Variants in RAB38 observed in about 807,000 individuals in gnomAD.
RAB38 encodes ras-related protein Rab-38.
RAB38 carries 15 observed loss-of-function variants against 18.4 expected under a neutral mutation model. That is an observed-to-expected ratio of 0.82 (90% CI 0.55 to 1.26). The LOEUF (loss-of-function observed/expected upper bound fraction) is 1.26. Ranked by LOEUF, RAB38 falls within the 50% of genes most tolerant of loss-of-function variation. The pLI is 0.00. For missense variants in RAB38, 294 were observed against 267.4 expected, an observed-to-expected ratio of 1.10 and a Z score of -0.69; for synonymous variants, 101 against 104.4, an observed-to-expected ratio of 0.97 and a Z score of 0.20.
At chr11:88,147,458 T>G (rs1943003250) in intron 2 of RAB38, among the ~76,000 whole-genome samples, 1 of 150,772 alleles carries the variant, frequency 6.6e-6, no homozygotes, top group Non-Finnish European at 1.5e-5. Flanking sequence ...GAGCTGAGAG[T>G]GACATTTTTT....
At chr11:87,910,654 T>G in the RAB38 span, among the ~76,000 whole-genome samples, 1 of 144,546 alleles carries the variant, frequency 6.9e-6, no homozygotes, top group African/African-American at 2.6e-5. Context: ...TTTTTTTTTT[T>G]TTTTTGAGAT....
chr11:87,838,499 G>C, the RAB38 span, among the ~76,000 whole-genome samples: 1 of 152,188 alleles, frequency 6.6e-6, no homozygotes, highest in Non-Finnish European at 1.5e-5. Context: ...AATGAGTTCA[G>C]TCTTTCTCCA....
chr11:87,872,672 T>C, the RAB38 span, among the ~76,000 whole-genome samples: 1 of 151,612 alleles, frequency 6.6e-6, no homozygotes, highest in Non-Finnish European at 1.5e-5. Flanking sequence ...TAGGATATCA[T>C]ATGGTTGGAA....
At chr11:87,899,586 C>G in the RAB38 span, among the ~76,000 whole-genome samples, 2 of 151,468 alleles carry the variant, frequency 1.3e-5, no homozygotes, top group African/African-American at 2.4e-5. Context: ...AGTTTCTAGA[C>G]AAAAAGAATC....
chr11:87,858,919 C>A, the RAB38 span, among the ~76,000 whole-genome samples: 10 of 149,528 alleles, frequency 6.7e-5, no homozygotes, highest in South Asian at 1.9e-3. Flanking sequence ...TTGTGTCCAC[C>A]TGAGTCCAAA....
chr11:88,046,331 T>C, the RAB38 span, among the ~76,000 whole-genome samples: 6 of 152,210 alleles, frequency 3.9e-5, no homozygotes. Flanking sequence ...ATCTGCCCCT[T>C]ATCAACCAAA....
chr11:88,108,681 CATT>C (rs201951892), downstream of RAB38, among the ~76,000 whole-genome samples: 6,426 of 152,264 alleles, frequency 0.042, 160 homozygotes, highest in South Asian at 0.067. Flanking sequence ...TTGATCCTGT[CATT>C]ATGATGCTAG....
At chr11:87,848,287 T>C in the RAB38 span, among the ~76,000 whole-genome samples, 1 of 151,652 alleles carries the variant, frequency 6.6e-6, no homozygotes, top group African/African-American at 2.4e-5. Context: ...TCTTAGTAAC[T>C]CACAGCTTTG....
At chr11:87,944,084 G>A in the RAB38 span, among the ~76,000 whole-genome samples, 1 of 152,070 alleles carries the variant, frequency 6.6e-6, no homozygotes, top group Admixed American at 6.6e-5. Context: ...GTGTCCCAGT[G>A]CATATGCAAG....
chr11:88,120,088 A>G (rs1284641394), intron 2 of RAB38, among the ~76,000 whole-genome samples: 1 of 152,146 alleles, frequency 6.6e-6, no homozygotes, highest in African/African-American at 2.4e-5. Flanking sequence ...TTTCCTTTGG[A>G]TACCTGCTTT....
chr11:88,049,629 C>T, the RAB38 span, among the ~76,000 whole-genome samples: 13 of 151,992 alleles, frequency 8.6e-5, no homozygotes, highest in Non-Finnish European at 1.5e-4. Context: ...CATGGACGCG[C>T]GTGAAATTTG....
At chr11:88,054,821 T>C in the RAB38 span, among the ~76,000 whole-genome samples, 1 of 152,202 alleles carries the variant, frequency 6.6e-6, no homozygotes. Context: ...CAGAACCCAG[T>C]AATTGCACAG....
the RAB38 span, among the ~76,000 whole-genome samples, chr11:88,080,793 C>T: frequency 2.3e-5 from 3 of 128,946 alleles, no homozygotes; most frequent in Admixed American, 2.5e-4. Flanking sequence ...ATCATTTTTC[C>T]ATCAAGGCAG....
the RAB38 span, among the ~76,000 whole-genome samples, chr11:88,007,236 G>T: frequency 1.3e-5 from 2 of 151,688 alleles, no homozygotes; most frequent in East Asian, 1.9e-4. Context: ...TACAATTTGG[G>T]TGCAAAGATT....
chr11:87,862,710 AT>A, the RAB38 span, among the ~76,000 whole-genome samples: 1 of 151,892 alleles, frequency 6.6e-6, no homozygotes, highest in Non-Finnish European at 1.5e-5. Flanking sequence ...TGATCTTTAA[AT>A]AAATGTGCAA....
the RAB38 span, among the ~76,000 whole-genome samples, chr11:87,903,368 G>C: frequency 6.6e-6 from 1 of 151,190 alleles, no homozygotes; most frequent in Non-Finnish European, 1.5e-5. Flanking sequence ...TATATTGATG[G>C]ATTTTTTTAG....
chr11:87,937,344 ATATATATC>A, the RAB38 span, among the ~76,000 whole-genome samples: 182 of 137,312 alleles, frequency 1.3e-3, 6 homozygotes, highest in South Asian at 6.1e-3. Flanking sequence ...ATATATATAT[ATATATATC>A]ATAATTCTAT....
the RAB38 span, among the ~76,000 whole-genome samples, chr11:87,869,258 G>T: frequency 6.6e-6 from 1 of 151,650 alleles, no homozygotes; most frequent in South Asian, 2.1e-4. Context: ...TATACTCCAG[G>T]CACTGGGATA....
chr11:88,035,759 G>A, the RAB38 span, among the ~76,000 whole-genome samples: 1 of 152,156 alleles, frequency 6.6e-6, no homozygotes, highest in Non-Finnish European at 1.5e-5. Context: ...TCCCATTCTA[G>A]CAAGACTACT....
Sources: gnomAD v4.1 joint callset for allele counts (sites outside exome capture counted in the v4.1 genomes callset) on GRCh38, gnomAD v4.1.1 for gene constraint, MANE v1.5 for transcripts, NCBI Gene and HGNC (gene_info 2026-07-23, HGNC 2026-07-21) for gene names.